The following DNAH7 variants were observed in gnomAD, a reference collection of about 807,000 sequenced individuals.
The protein encoded by DNAH7 is dynein axonemal heavy chain 7.
DNAH7 carries 397 observed loss-of-function variants against 444.6 expected under a neutral mutation model. That is an observed-to-expected ratio of 0.89 (90% CI 0.82 to 0.97). The LOEUF is 0.97. Among genes scored for constraint, DNAH7 ranks in the 50% least tolerant of loss-of-function variants. The pLI is 0.00. For missense variants in DNAH7, 4,902 were observed against 4,800.8 expected, an observed-to-expected ratio of 1.02 and a Z score of -0.62; for synonymous variants, 1,636 against 1,624.4, an observed-to-expected ratio of 1.01 and a Z score of -0.17.
At chr2:195,973,990 T>C (rs896515436) in intron 15 of DNAH7, among the ~76,000 whole-genome samples, 2 of 151,914 alleles carry the variant, frequency 1.3e-5, no homozygotes, top group South Asian at 2.1e-4. Flanking sequence ...GGCAGGCGAA[T>C]TGCTTGAACC....
At chr2:195,940,873 C>A (rs577922291) in intron 19 of DNAH7, among the ~76,000 whole-genome samples, 12 of 152,276 alleles carry the variant, frequency 7.9e-5, no homozygotes, top group African/African-American at 2.9e-4. Context: ...CAGGAAACAA[C>A]AGATGCTGGA....
rs369244613 is a variant in DNAH7, at chr2:195,754,424, C to A, written c.11677G>T (p.Ala3893Ser). ...TCAATAGGAATTGTGTATTTCCTGG[C>A]GTAGTTCTGCTGGGCACCGGTCAGG... ...AFLTGAQQNY[A>S]RKYTIPIDLL... The change falls in exon 63 of 65, where the codon GCC (alanine) becomes TCC (serine). Residue 3893 changes from alanine to serine, a missense_variant. Transcript: ENST00000312428. 6 of 1,613,988 alleles carry A rather than the reference C, an allele frequency of 3.7e-6. No homozygotes were observed. The highest frequency in any genetic ancestry group is 5.1e-6 in the Non-Finnish European group (6 of 1,179,956).
intron 5 of DNAH7, among the ~76,000 whole-genome samples, chr2:196,029,627 T>C (rs1004437151): frequency 2.6e-5 from 4 of 152,118 alleles, no homozygotes; most frequent in Non-Finnish European, 4.4e-5. Context: ...GACAATGACA[T>C]AATTATTCCC....
intron 24 of DNAH7, among the ~76,000 whole-genome samples, chr2:195,916,638 ACTTGGGGCCAGGAGTTTGAGACCAGCC>A (rs1687696579): frequency 6.6e-6 from 1 of 152,194 alleles, no homozygotes; most frequent in Non-Finnish European, 1.5e-5. Context: ...TGGGTGGATC[ACTTGGGGCCAGGAGTTTGAGACCAGCC>A]TGGCTAAAAT....
At chr2:195,980,181 G>A (rs540495462) in intron 15 of DNAH7, among the ~76,000 whole-genome samples, 13 of 151,868 alleles carry the variant, frequency 8.6e-5, no homozygotes, top group Admixed American at 1.3e-4. Context: ...GGAGGGACCC[G>A]GTGGGAGGTA....
Position 195,864,734 on chromosome 2 carries a change from G to C in DNAH7, c.6921C>G (p.Ser2307Arg), listed in dbSNP as rs776768465. The C allele has an allele frequency of 3.7e-6, 6 of 1,614,094 alleles. No individual in the cohort carries two copies. Among genetic ancestry groups the C allele is most frequent in the Non-Finnish European group, 5.1e-6 (6 of 1,180,000 alleles). Residue 2307 changes from serine to arginine, a missense_variant, in exon 41 of 65, where the codon AGC becomes AGG. Ser to Arg is a moderately radical substitution (Grantham distance 110). Transcript: ENST00000312428. ...ACAAGACAAGGTTCATGGGTTTTTT[G>C]CTTATATTGTTGTATTCTTCTAGGT... Reference protein sequence around the residue: ...EIHLEEYNNISKKPMNLVLFR... With the variant: ...EIHLEEYNNIRKKPMNLVLFR...
chr2:195,857,727 G>A lies in DNAH7; in HGVS notation c.8068-4C>T. The A allele has an allele frequency of 7.0e-6, 11 of 1,566,826 alleles. No homozygotes were observed. Among genetic ancestry groups the A allele is most frequent in the Non-Finnish European group, 9.5e-6 (11 of 1,159,278 alleles). ...TGGATTTTACCACTGTAATATCCTT[G>A]AAATAACAACGTTAATTATTTTAAA... On this transcript the variant is annotated splice_polypyrimidine_tract_variant and splice_region_variant and intron_variant, in intron 43 of 64. Coordinates refer to ENST00000312428, the MANE Select transcript of DNAH7 (RefSeq NM_018897.3).
At chr2:195,916,612 C>G (rs1056703019) in intron 24 of DNAH7, among the ~76,000 whole-genome samples, 4 of 152,200 alleles carry the variant, frequency 2.6e-5, no homozygotes, top group African/African-American at 9.7e-5. Context: ...AATCCCAGCA[C>G]TTTGGGAGGC....
At chr2:196,025,998 A>G (rs992992870) in intron 7 of DNAH7, among the ~76,000 whole-genome samples, 12 of 152,160 alleles carry the variant, frequency 7.9e-5, no homozygotes, top group Admixed American at 3.3e-4. Context: ...AGAAGTCAGT[A>G]TTTTTAAAAC....
intron 12 of DNAH7, chr2:195,995,471 C>T: frequency 2.8e-6 from 1 of 356,252 alleles, no homozygotes; most frequent in Non-Finnish European, 5.5e-6. Flanking sequence ...TTCTTTTGCC[C>T]TCAGGGGTTT....
chr2:195,794,826 C>T (rs757040936), intron 56 of DNAH7, among the ~76,000 whole-genome samples: 3 of 152,168 alleles, frequency 2.0e-5, no homozygotes, highest in African/African-American at 4.8e-5. Context: ...ATAACTAAGA[C>T]GTTCCCAAAA....
intron 63 of DNAH7, among the ~76,000 whole-genome samples, chr2:195,744,625 C>G (rs1328094355): frequency 2.0e-5 from 3 of 152,172 alleles, no homozygotes; most frequent in Admixed American, 2.0e-4. Context: ...AGACTGACAC[C>G]TCACACGGCC....
chr2:195,894,344 T>C (rs925111960), intron 30 of DNAH7: 57 of 152,290 alleles, frequency 3.7e-4, no homozygotes, highest in African/African-American at 1.3e-3. Flanking sequence ...TAATTTCATA[T>C]TGATTGAAAG....
intron 64 of DNAH7, among the ~76,000 whole-genome samples, chr2:195,738,906 T>C (rs2105867445): frequency 6.6e-6 from 1 of 152,274 alleles, no homozygotes; most frequent in African/African-American, 2.4e-5. Context: ...TGAAGGAGCT[T>C]ATAAGGATGC....
intron 1 of DNAH7, among the ~76,000 whole-genome samples, chr2:196,062,616 G>A (rs1698191492): frequency 1.3e-5 from 2 of 152,004 alleles, no homozygotes; most frequent in South Asian, 4.2e-4. Flanking sequence ...ACCTACTTAC[G>A]ATCACACCTT....
At chr2:196,023,154 C>A (rs990034655) in intron 8 of DNAH7, among the ~76,000 whole-genome samples, 12 of 152,112 alleles carry the variant, frequency 7.9e-5, no homozygotes, top group African/African-American at 2.2e-4. Flanking sequence ...ACTATCCTCG[C>A]AATGGTAAGT....
At chr2:195,778,618 G>GAAAAAAAAA (rs1228548239) in intron 58 of DNAH7, among the ~76,000 whole-genome samples, 1 of 21,790 alleles carries the variant, frequency 4.6e-5, no homozygotes, top group Non-Finnish European at 7.7e-5. Flanking sequence ...GACCCTGTCT[G>GAAAAAAAAA]AAAAAAAAAA....
At chr2:195,773,897 A>C (rs536945413) in intron 60 of DNAH7, among the ~76,000 whole-genome samples, 1 of 152,352 alleles carries the variant, frequency 6.6e-6, no homozygotes, top group South Asian at 2.1e-4. Context: ...ATTTTTTCCA[A>C]GATAAATTAG....
chr2:195,861,219 T>C (rs890355749), intron 42 of DNAH7, among the ~76,000 whole-genome samples: 5 of 152,102 alleles, frequency 3.3e-5, no homozygotes, highest in Admixed American at 2.0e-4. Flanking sequence ...CAAAGAAATA[T>C]TTGAATAAAC....
Sources: allele counts gnomAD v4.1 joint callset (sites outside exome capture counted in the v4.1 genomes callset), GRCh38; gene constraint gnomAD v4.1.1; transcripts MANE v1.5; gene names NCBI Gene and HGNC (gene_info 2026-07-23, HGNC 2026-07-21).